CHTF8: variants seen among roughly 807,000 people sequenced by gnomAD.
CHTF8 encodes chromosome transmission fidelity factor 8.
A neutral mutation model predicts 11.0 loss-of-function variants in CHTF8; 6 were observed. The ratio of observed to expected loss-of-function variants is 0.55; its 90% CI spans 0.30 to 1.08. The LOEUF (loss-of-function observed/expected upper bound fraction) is 1.08, where lower values mean the gene tolerates loss of function less well. Among genes scored for constraint, CHTF8 ranks in the 50% least tolerant of loss-of-function variants. The pLI, the probability that CHTF8 is intolerant of heterozygous loss-of-function variation, is 0.07. For missense variants in CHTF8, 140 were observed against 153.1 expected (o/e 0.91, Z 0.45); for synonymous variants, 53 against 60.5 (o/e 0.88, Z 0.57).
intron 1 of CHTF8, among the ~76,000 whole-genome samples, chr16:69,126,746 C>G (rs982712193): frequency 8.5e-5 from 13 of 152,164 alleles, no homozygotes; most frequent in Admixed American, 4.6e-4. Context: ...AGGAGGGCAT[C>G]CTTTAGTGAA....
At chr16:69,122,905 C>T (rs1275491393) in intron 1 of CHTF8, among the ~76,000 whole-genome samples, 1 of 152,036 alleles carries the variant, frequency 6.6e-6, no homozygotes, top group African/African-American at 2.4e-5. Context: ...TCTCAAACTC[C>T]TGACCTCAGG....
chr16:69,120,312 G>C lies in CHTF8; in HGVS notation c.*113C>G. The C allele has an allele frequency of 9.8e-7, 1 of 1,020,332 alleles. No individual in the cohort carries two copies. Among genetic ancestry groups the C allele is most frequent in the Non-Finnish European group, 1.5e-6 (1 of 653,632 alleles). The allele number at this position is 1,020,332 out of a possible 1,614,324, so 63.2% of individuals were successfully genotyped here. A position where few individuals can be genotyped will look rare whatever the true frequency, so the allele number is the denominator to read the frequency against. Reference sequence around the variant, plus strand: ...AGTTCACACCCAGTGGGTGGCCTGTGTTCAGAACAGGACCCCCCTGTGGTC... The same window carrying C: ...AGTTCACACCCAGTGGGTGGCCTGTCTTCAGAACAGGACCCCCCTGTGGTC... On this transcript the variant is annotated 3_prime_UTR_variant, in exon 4 of 4. Transcript: ENST00000448552. The surrounding 1 kb of genome is among the most constrained non-coding windows in gnomAD (Gnocchi z 4.0).
chr16:69,121,540 A>AT, intron 1 of CHTF8, 47 bp from the exon 2 acceptor site: 1 of 1,189,722 alleles, frequency 8.4e-7, no homozygotes, highest in South Asian at 1.4e-5. Flanking sequence ...ACAACAACTA[A>AT]TAATGACACC....
chr16:69,118,571 A>G lies in CHTF8; in HGVS notation c.*1854T>C, dbSNP rs1238561545. The G allele has an allele frequency of 7.9e-6, 6 of 757,558 alleles. No individual in the cohort carries two copies. Among genetic ancestry groups the G allele is most frequent in the South Asian group, 7.2e-5 (5 of 69,510 alleles). The allele number at this position is 757,558 out of a possible 1,614,324, so 46.9% of individuals were successfully genotyped here. A position where few individuals can be genotyped will look rare whatever the true frequency, so the allele number is the denominator to read the frequency against. On this transcript the variant is annotated 3_prime_UTR_variant, in exon 4 of 4. Coordinates refer to ENST00000448552, the MANE Select transcript of CHTF8 (RefSeq NM_001039690.5). ...ACAATTCAAGAAACTAGTAAGAAAC[A>G]ATGGGCAGAAAGCTGTGGGACGAAA...
chr16:69,129,366 G>C (rs1962321715), intron 1 of CHTF8, among the ~76,000 whole-genome samples: 2 of 146,238 alleles, frequency 1.4e-5, no homozygotes, highest in Admixed American at 1.4e-4. Context: ...GGAGGCAGAG[G>C]TTGCAGTGAG....
rs1355559207 is a variant in CHTF8, at chr16:69,119,098, G to A, written c.*1327C>T. ...AGAAGGGCCCAGATGCCCGGCAGCT[G>A]GCCTGGGGAAAGTAACTTGACCAGG... is the stretch of plus-strand genomic sequence containing the variant. On this transcript the variant is annotated 3_prime_UTR_variant, in exon 4 of 4. Transcript: ENST00000448552. 1 of 703,054 alleles carries A rather than the reference G, an allele frequency of 1.4e-6. No individual in the cohort carries two copies. Among genetic ancestry groups the A allele is most frequent in the Non-Finnish European group, 2.6e-6 (1 of 385,028 alleles). The allele number at this position is 703,054 out of a possible 1,614,324, so 43.6% of individuals were successfully genotyped here.
chr16:69,120,547 C>T lies in CHTF8; in HGVS notation c.244G>A (p.Asp82Asn), dbSNP rs1480386283. The change falls in exon 4 of 4, where the codon GAC becomes AAC. Residue 82 changes from aspartate (D) to asparagine (N), a missense_variant. By Grantham distance (23) the Asp-to-Asn change is conservative. Transcript: ENST00000448552. The surrounding 1 kb of genome is among the most constrained non-coding windows in gnomAD (Gnocchi z 4.0). ...VLVKHTPGDQ[D>N]CDELGRETGT... is the part of the protein sequence containing the mutation. Reference sequence around the variant, plus strand: ...GTCTCGCGGCCAAGCTCATCACAGTCCTGATCCCCAGGAGTGTGTTTGACA... The same window carrying T: ...GTCTCGCGGCCAAGCTCATCACAGTTCTGATCCCCAGGAGTGTGTTTGACA... The T allele has an allele frequency of 6.2e-7, 1 of 1,614,134 alleles. No individual in the cohort carries two copies. Among genetic ancestry groups the T allele is most frequent in the South Asian group, 1.1e-5 (1 of 91,082 alleles).
At chr16:69,127,601 CTTTTTTTTTTT>C (rs71383961) in intron 1 of CHTF8, among the ~76,000 whole-genome samples, 1 of 104,392 alleles carries the variant, frequency 9.6e-6, no homozygotes, top group Non-Finnish European at 1.8e-5. Context: ...CTCCCGGCAA[CTTTTTTTTTTT>C]TTTTTTTTTT....
chr16:69,122,836 C>T (rs1346954121), intron 1 of CHTF8, among the ~76,000 whole-genome samples: 2 of 152,060 alleles, frequency 1.3e-5, no homozygotes, highest in Non-Finnish European at 2.9e-5. Flanking sequence ...ACCACCGCAC[C>T]TGGCTTAATT....
intron 1 of CHTF8, among the ~76,000 whole-genome samples, chr16:69,126,683 A>G (rs1426631957): frequency 2.6e-5 from 4 of 152,260 alleles, no homozygotes; most frequent in Non-Finnish European, 5.9e-5. Context: ...CTCTGGCTAC[A>G]GTTAGGTAAT....
In CHTF8 at chr16:69,119,065, C is replaced by G. The variant is rs1597105521; in HGVS notation, c.*1360G>C. ...AGGAGCTGGGTTGATACCCACAGGG[C>G]CAGCTGGAGAAGGGCCCAGATGCCC... On this transcript the variant is annotated 3_prime_UTR_variant, in exon 4 of 4. Transcript: ENST00000448552. 4 of 703,048 alleles carry G rather than the reference C, an allele frequency of 5.7e-6. No individual in the cohort carries two copies. Among genetic ancestry groups the G allele is most frequent in the Non-Finnish European group, 1.0e-5 (4 of 385,024 alleles). 43.6% of individuals were successfully genotyped at this position (703,048 alleles called of 1,614,324 possible). A position where few individuals can be genotyped will look rare whatever the true frequency, so the allele number is the denominator to read the frequency against.
Position 69,119,872 on chromosome 16 carries a change from C to G in CHTF8, c.*553G>C. 1 of 701,754 alleles carries G rather than the reference C, an allele frequency of 1.4e-6. No individual in the cohort carries two copies. Among genetic ancestry groups the G allele is most frequent in the Non-Finnish European group, 2.6e-6 (1 of 385,004 alleles). 43.5% of individuals were successfully genotyped at this position (701,754 alleles called of 1,614,324 possible). ...CCCAGAGGTTAACAGAACACCGGCT[C>G]TCAGGTTAGGTCCAGATCCAGGGCC... is the stretch of plus-strand genomic sequence containing the variant. On this transcript the variant is annotated 3_prime_UTR_variant, in exon 4 of 4. Transcript: ENST00000448552.
chr16:69,120,018 T>C lies in CHTF8; in HGVS notation c.*407A>G, dbSNP rs1379132766. The C allele has an allele frequency of 2.9e-6, 2 of 690,838 alleles. No individual in the cohort carries two copies. Among genetic ancestry groups the C allele is most frequent in the Non-Finnish European group, 5.3e-6 (2 of 378,290 alleles). 42.8% of individuals were successfully genotyped at this position (690,838 alleles called of 1,614,324 possible). A position where few individuals can be genotyped will look rare whatever the true frequency, so the allele number is the denominator to read the frequency against. On this transcript the variant is annotated 3_prime_UTR_variant, in exon 4 of 4. Transcript: ENST00000448552. The surrounding 1 kb of genome is among the most constrained non-coding windows in gnomAD (Gnocchi z 4.0). ...TGGGGTTAGACAGAGGCCCTGGGCC[T>C]GGCAGAGCCCCTGTCCTAGGGTTTA... is the stretch of plus-strand genomic sequence containing the variant.
rs1961488326 is a variant in CHTF8, at chr16:69,119,822, C to T, written c.*603G>A. ...GGGTTTGGTCCTGGGCCCAGGCCAA[C>T]TGGCCTAGGATTGGGAGGACCATTC... is the stretch of plus-strand genomic sequence containing the variant. On this transcript the variant is annotated 3_prime_UTR_variant, in exon 4 of 4. Transcript: ENST00000448552. 2 of 701,176 alleles carry T rather than the reference C, an allele frequency of 2.9e-6. No individual in the cohort carries two copies. Among genetic ancestry groups the T allele is most frequent in the Non-Finnish European group, 5.2e-6 (2 of 384,978 alleles). 43.4% of individuals were successfully genotyped at this position (701,176 alleles called of 1,614,324 possible). A position where few individuals can be genotyped will look rare whatever the true frequency, so the allele number is the denominator to read the frequency against.
At position 69,119,868 on chromosome 16, in the gene CHTF8, G is replaced by A. The variant is rs541635146; in HGVS notation, c.*557C>T. 116 of 701,498 alleles carry A rather than the reference G, an allele frequency of 1.7e-4. No individual in the cohort carries two copies. In the African/African-American group the frequency reaches 1.7e-3, roughly 10 times the overall value. The allele number at this position is 701,498 out of a possible 1,614,324, so 43.5% of individuals were successfully genotyped here. A position where few individuals can be genotyped will look rare whatever the true frequency, so the allele number is the denominator to read the frequency against. ...CATTCCCAGAGGTTAACAGAACACC[G>A]GCTCTCAGGTTAGGTCCAGATCCAG... On this transcript the variant is annotated 3_prime_UTR_variant, in exon 4 of 4. Transcript: ENST00000448552.
intron 1 of CHTF8, among the ~76,000 whole-genome samples, chr16:69,129,971 G>A (rs577637718): frequency 1.5e-4 from 23 of 152,268 alleles, no homozygotes; most frequent in East Asian, 7.7e-4. Context: ...CCTCTAGGAC[G>A]CAAAGCTTTA....
At chr16:69,125,213 G>A (rs1232719684) in intron 1 of CHTF8, among the ~76,000 whole-genome samples, 1 of 152,124 alleles carries the variant, frequency 6.6e-6, no homozygotes, top group South Asian at 2.1e-4. Flanking sequence ...CAACTCACTA[G>A]ACTTTTTAAA....
intron 1 of CHTF8, among the ~76,000 whole-genome samples, chr16:69,130,911 G>A (rs1962454029): frequency 6.6e-6 from 1 of 152,208 alleles, no homozygotes; most frequent in African/African-American, 2.4e-5. Flanking sequence ...CAGGGATTAA[G>A]TTCTGGAAGG....
chr16:69,128,826 G>C (rs1962279696), intron 1 of CHTF8, among the ~76,000 whole-genome samples: 1 of 152,124 alleles, frequency 6.6e-6, no homozygotes, highest in African/African-American at 2.4e-5. Flanking sequence ...AGCACTTTGG[G>C]AGCCCAAGGC....
Sources: gnomAD v4.1 joint callset for allele counts (sites outside exome capture counted in the v4.1 genomes callset) on GRCh38, gnomAD v4.1.1 for gene constraint, Gnocchi (gnomAD v3.1) non-coding constraint, MANE v1.5 for transcripts, NCBI Gene and HGNC (gene_info 2026-07-23, HGNC 2026-07-21) for gene names.